The following ARHGAP8 variants were observed in gnomAD, a reference collection of about 807,000 sequenced individuals.
ARHGAP8 encodes the protein rho GTPase-activating protein 8.
Under a neutral mutation model 46.1 loss-of-function variants are expected in ARHGAP8, and 62 were observed. The ratio of observed to expected loss-of-function variants is 1.34; its 90% CI spans 1.10 to 1.66. The LOEUF (loss-of-function observed/expected upper bound fraction) is 1.66. Among genes scored for constraint, ARHGAP8 ranks in the 40% most tolerant of loss-of-function variants. ARHGAP8 has a pLI of 0.00. For missense variants in ARHGAP8, 923 were observed against 568.4 expected (o/e 1.62, Z -6.34); for synonymous variants, 375 against 243.1 (o/e 1.54, Z -5.05).
Position 44,807,605 on chromosome 22 carries a change from C to T in ARHGAP8, c.168-702C>T, listed in dbSNP as rs186128453. ...GTCAAGCATTCCTGGGTTCAAATCC[C>T]AGCTCATCCTCCTTGTGAGTTTCCC... On this transcript the variant is annotated intron_variant, in intron 3 of 11. Coordinates refer to ENST00000356099, the MANE Select transcript of ARHGAP8 (RefSeq NM_181335.3). Among the ~76,000 whole-genome samples, 893 of 152,316 alleles carry T rather than the reference C, an allele frequency of 5.9e-3. 3 individuals carry two copies. The highest frequency in any genetic ancestry group is 7.6e-3 in the Non-Finnish European group (515 of 68,022).
At chr22:44,779,533 G>A (rs909535816) in intron 1 of ARHGAP8, among the ~76,000 whole-genome samples, 1 of 149,646 alleles carries the variant, frequency 6.7e-6, no homozygotes, top group Non-Finnish European at 1.5e-5. Flanking sequence ...GCCTGCTGTG[G>A]AGATTTACAT....
chr22:44,845,010 T>C (rs907395064), intron 7 of ARHGAP8, among the ~76,000 whole-genome samples: 2 of 152,154 alleles, frequency 1.3e-5, no homozygotes, highest in African/African-American at 4.8e-5. Flanking sequence ...AGTTGCCCCC[T>C]GGGGAAGCCC....
In ARHGAP8 at chr22:44,859,805, C is replaced by T. The variant is rs772476750; in HGVS notation, c.952C>T (p.Leu318Phe). 130 of 1,613,952 alleles carry T rather than the reference C, an allele frequency of 8.1e-5. No individual in the cohort carries two copies. Among genetic ancestry groups the T allele is most frequent in the Non-Finnish European group, 1.0e-4 (123 of 1,180,028 alleles). ...RSLPEHNYVV[L>F]RYLMGFLHAV... ...CCTCCCAGAGCACAACTACGTCGTC[C>T]TCCGCTACCTCATGGGCTTCCTGCA... The change falls in exon 11 of 12, where the codon CTC becomes TTC. Residue 318 changes from leucine to phenylalanine, a missense_variant. Leu to Phe is a conservative substitution (Grantham distance 22). Coordinates refer to ENST00000356099, the MANE Select transcript of ARHGAP8 (RefSeq NM_181335.3).
intron 3 of ARHGAP8, among the ~76,000 whole-genome samples, chr22:44,807,816 G>A (rs182744438): frequency 1.7e-4 from 26 of 152,276 alleles, no homozygotes; most frequent in African/African-American, 6.0e-4. Flanking sequence ...TTCCAGGGCT[G>A]GTGGCCACAT....
At chr22:44,833,754 A>G (rs1192310440) in intron 7 of ARHGAP8, among the ~76,000 whole-genome samples, 1 of 152,184 alleles carries the variant, frequency 6.6e-6, no homozygotes, top group Non-Finnish European at 1.5e-5. Flanking sequence ...TAAACATTTT[A>G]CAGAATTCAC....
At chr22:44,786,416 C>T in intron 1 of ARHGAP8, 41 bp from the exon 2 acceptor site, 1 of 1,549,826 alleles carries the variant, frequency 6.5e-7, no homozygotes, top group Non-Finnish European at 8.7e-7. Flanking sequence ...CCCCGCCTTA[C>T]TGGAGAATGC....
chr22:44,815,893 G>A (rs117214973), intron 5 of ARHGAP8, among the ~76,000 whole-genome samples: 48 of 151,610 alleles, frequency 3.2e-4, no homozygotes, highest in Non-Finnish European at 5.6e-4. Context: ...GTTCTTGCAC[G>A]GTGGCTCTGG....
At chr22:44,786,630 GC>G in intron 2 of ARHGAP8, 24 bp downstream of exon 2, 1 of 1,608,392 alleles carries the variant, frequency 6.2e-7, no homozygotes, top group South Asian at 1.1e-5. Flanking sequence ...TGGGCAGTCT[GC>G]AGGACCATGG....
chr22:44,753,952 G>T (rs188669413), intron 1 of ARHGAP8, among the ~76,000 whole-genome samples: 1 of 152,290 alleles, frequency 6.6e-6, no homozygotes, highest in African/African-American at 2.4e-5. Flanking sequence ...GGCAGCTTTA[G>T]GATCATGTTT....
intron 6 of ARHGAP8, among the ~76,000 whole-genome samples, chr22:44,824,896 G>A (rs753568140): frequency 8.5e-5 from 13 of 152,098 alleles, no homozygotes; most frequent in Admixed American, 5.2e-4. Context: ...GCCTCCCAAA[G>A]TGTTGGGATT....
At chr22:44,858,450 CTCTG>C (rs1198212165) in intron 10 of ARHGAP8, among the ~76,000 whole-genome samples, 3 of 149,438 alleles carry the variant, frequency 2.0e-5, no homozygotes, top group African/African-American at 7.4e-5. Flanking sequence ...TCAGTGCAGC[CTCTG>C]TCTTCTGAGT....
intron 5 of ARHGAP8, among the ~76,000 whole-genome samples, chr22:44,818,168 G>A (rs954350865): frequency 7.2e-5 from 11 of 151,820 alleles, no homozygotes; most frequent in Non-Finnish European, 1.3e-4. Context: ...CACCTGCTTG[G>A]CCAGGCACAG....
chr22:44,814,528 C>G (rs1360043611), intron 4 of ARHGAP8, 144 bp from the exon 5 acceptor site: 6 of 694,872 alleles, frequency 8.6e-6, no homozygotes, highest in Non-Finnish European at 1.4e-5. Flanking sequence ...TTATTTCATT[C>G]TTTGTTTGAT....
intron 2 of ARHGAP8, among the ~76,000 whole-genome samples, chr22:44,786,992 C>G (rs1015523337): frequency 1.4e-5 from 2 of 142,632 alleles, no homozygotes; most frequent in African/African-American, 5.4e-5. Context: ...GCACTCCAGC[C>G]TGGGTGACAG....
At position 44,857,101 on chromosome 22, in the gene ARHGAP8, C is replaced by T. The variant is rs895823055; in HGVS notation, c.878-2630C>T. Among the ~76,000 whole-genome samples, 32 of 143,646 alleles carry T rather than the reference C, an allele frequency of 2.2e-4. 3 individuals are homozygous for T. The highest frequency in any genetic ancestry group is 1.0e-3 in the Admixed American group (15 of 14,774). The allele number at this position is 143,646 out of a possible 152,430, so 94.2% of individuals were successfully genotyped here. On this transcript the variant is annotated intron_variant, in intron 10 of 11. Coordinates refer to ENST00000356099, the MANE Select transcript of ARHGAP8 (RefSeq NM_181335.3). ...GATTACAGGTGCCCACCACCACACC[C>T]GGCTAATTTTGTATTTTTAGTAGAG...
At chr22:44,822,223 C>T (rs368103456) in intron 5 of ARHGAP8, 148 bp from the exon 6 acceptor site, 15 of 634,926 alleles carry the variant, frequency 2.4e-5, no homozygotes, top group South Asian at 1.1e-4. Context: ...GTGTTATGTT[C>T]GGGTTTTAAG....
intron 10 of ARHGAP8, among the ~76,000 whole-genome samples, chr22:44,856,892 C>T (rs561555618): frequency 6.9e-6 from 1 of 144,032 alleles, no homozygotes; most frequent in South Asian, 2.2e-4. Context: ...TGACCACCCT[C>T]ACACAGTCGC....
At chr22:44,862,176 C>A in intron 11 of ARHGAP8, 99 bp from the exon 12 acceptor site, 2 of 1,428,244 alleles carry the variant, frequency 1.4e-6, no homozygotes, top group East Asian at 4.7e-5. Context: ...CAGTGCTCCT[C>A]TCACTACACC....
chr22:44,814,900 G>C (rs1929625061), intron 5 of ARHGAP8, 142 bp downstream of exon 5: 1 of 923,304 alleles, frequency 1.1e-6, no homozygotes, highest in Non-Finnish European at 1.6e-6. Flanking sequence ...ACCCGCCCTG[G>C]GGTCTGCGGG....
Sources: allele counts gnomAD v4.1 joint callset (sites outside exome capture counted in the v4.1 genomes callset), GRCh38; gene constraint gnomAD v4.1.1; transcripts MANE v1.5; gene names NCBI Gene and HGNC (gene_info 2026-07-23, HGNC 2026-07-21).